DNAH11: variants seen among roughly 807,000 people sequenced by gnomAD.
The protein encoded by DNAH11 is dynein axonemal heavy chain 11.
Under a neutral mutation model 526.0 loss-of-function variants are expected in DNAH11, and 442 were observed. The ratio of observed to expected loss-of-function variants is 0.84; its 90% confidence interval spans 0.78 to 0.91. The LOEUF (loss-of-function observed/expected upper bound fraction) is 0.91. DNAH11 is among the 40% of genes least tolerant of loss of function. The pLI, the probability that DNAH11 is intolerant of heterozygous loss-of-function variation, is 0.00. For synonymous variants in DNAH11, 2,461 were observed against 1,935.9 expected (o/e 1.27, Z -7.12); for missense variants, 6,989 against 5,448.7 (o/e 1.28, Z -8.90).
At chr7:21,812,899 G>A (rs1789594910) in intron 63 of DNAH11, among the ~76,000 whole-genome samples, 1 of 152,146 alleles carries the variant, frequency 6.6e-6, no homozygotes, top group African/African-American at 2.4e-5. Context: ...ATCCAGCCTG[G>A]GGTTGACGGC....
In DNAH11 at chr7:21,559,015, T is replaced by C. The variant is rs1783334721; in HGVS notation, c.692+17T>C. On this transcript the variant is annotated intron_variant, in intron 3 of 81. Transcript: ENST00000409508. ...AGAGAACAAGTACGTAACAGTACAATATATACAGGATATTAAAGTAGAGAG... is the reference window on the plus strand; with the variant it reads ...AGAGAACAAGTACGTAACAGTACAACATATACAGGATATTAAAGTAGAGAG... The C allele has an allele frequency of 1.9e-6, 3 of 1,553,954 alleles. No homozygotes were observed. The highest frequency in any genetic ancestry group is 1.4e-5 in the African/African-American group (1 of 73,254).
intron 44 of DNAH11, 59 bp from the exon 45 acceptor site, chr7:21,725,751 CT>C (rs1410643531): frequency 1.3e-6 from 2 of 1,511,212 alleles, no homozygotes; most frequent in Non-Finnish European, 1.8e-6. Flanking sequence ...TAATTTGTTT[CT>C]TTTTTTACAG....
At position 21,757,598 on chromosome 7, in the gene DNAH11, T is replaced by A. The variant is rs544255665; in HGVS notation, c.8940+7234T>A. Among the ~76,000 whole-genome samples, 48 of 152,312 alleles carry A rather than the reference T, an allele frequency of 3.2e-4. 1 individual carries two copies. In the South Asian group the frequency reaches 9.1e-3, roughly 29 times the overall value. ...CAATCTGCAGGATGCTTTTCTATTT[T>A]TCTTGGTTTTGTAAAGTATTTCTTC... On this transcript the variant is annotated intron_variant, in intron 54 of 81. Transcript: ENST00000409508.
chr7:21,765,272 G>A (rs1344407640), intron 54 of DNAH11, among the ~76,000 whole-genome samples, 156 bp from the exon 55 acceptor site: 3 of 152,158 alleles, frequency 2.0e-5, no homozygotes, highest in Non-Finnish European at 4.4e-5. Context: ...ACTTTGATTA[G>A]CAAGGAGGTT....
chr7:21,568,075 A>T (rs1265717026), intron 6 of DNAH11, among the ~76,000 whole-genome samples: 1 of 152,202 alleles, frequency 6.6e-6, no homozygotes, highest in African/African-American at 2.4e-5. Flanking sequence ...AGCTAAAATA[A>T]CAGTCCATAA....
At chr7:21,631,066 G>T (rs1257860751) in intron 25 of DNAH11, among the ~76,000 whole-genome samples, 1 of 152,140 alleles carries the variant, frequency 6.6e-6, no homozygotes, top group South Asian at 2.1e-4. Context: ...TGGCTAGGGA[G>T]GCCTCACAAT....
chr7:21,852,261 G>T (rs1782668462), intron 66 of DNAH11, among the ~76,000 whole-genome samples: 1 of 151,936 alleles, frequency 6.6e-6, no homozygotes, highest in Non-Finnish European at 1.5e-5. Context: ...AAAAAAAATA[G>T]CTGGATGTGG....
chr7:21,901,250 C>A lies in DNAH11; in HGVS notation c.13547C>A (p.Ala4516Glu). The A allele has an allele frequency of 6.2e-7, 1 of 1,601,478 alleles. No homozygotes were observed. The highest frequency in any genetic ancestry group is 8.5e-7 in the Non-Finnish European group (1 of 1,173,862). ...GCTGGAGTGGCTCTGCTTCTAGAAG[C>A]GTAAGGTAACACTGGCATTCCTCTA... The part of the protein sequence containing the change: ...VLAGVALLLE[A>E] The change falls in exon 82 of 82, where the codon GCG becomes GAG. Residue 4516 changes from alanine to glutamate, a missense_variant. By Grantham distance (107) the Ala-to-Glu change is moderately radical. Coordinates refer to ENST00000409508, the MANE Select transcript of DNAH11 (RefSeq NM_001277115.2).
chr7:21,833,243 A>G (rs182675222), intron 65 of DNAH11, among the ~76,000 whole-genome samples: 7 of 152,384 alleles, frequency 4.6e-5, no homozygotes, highest in African/African-American at 1.7e-4. Context: ...CATGAAGTTC[A>G]TGAAGTATGA....
In DNAH11 at chr7:21,690,785, C is replaced by T; in HGVS notation, c.5945C>T (p.Ala1982Val). The T allele has an allele frequency of 6.2e-7, 1 of 1,609,084 alleles. No individual in the cohort carries two copies. The highest frequency in any genetic ancestry group is 1.3e-5 in the African/African-American group (1 of 74,834). ...GGTAGATTTGTATTTCTTGGGGAAG[C>T]TATCACACTGAAGCCATCAGTTGGA... is the stretch of plus-strand genomic sequence containing the variant. ...RKKRFVFLGEAITLKPSVGIF... is the reference protein window; with the variant it reads ...RKKRFVFLGEVITLKPSVGIF... Residue 1982 changes from alanine to valine, a missense_variant, in exon 35 of 82, where the codon GCT (alanine) becomes GTT (valine). Physicochemically the swap from Ala to Val is moderately conservative, Grantham distance 64. Coordinates refer to ENST00000409508, the MANE Select transcript of DNAH11 (RefSeq NM_001277115.2).
Position 21,749,699 on chromosome 7 carries a change from A to G in DNAH11, c.8695A>G (p.Ile2899Val). The G allele has an allele frequency of 6.2e-7, 1 of 1,614,034 alleles. No homozygotes were observed. Among genetic ancestry groups the G allele is most frequent in the Non-Finnish European group, 8.5e-7 (1 of 1,179,882 alleles). ...ELRVDLANLY[I>V]RTGAKNMPTV... is the part of the protein sequence containing the mutation. ...ACAGGTAGATCTTGCCAATTTGTAC[A>G]TCCGAACTGGAGCCAAGAACATGCC... The change falls in exon 53 of 82, where the codon ATC (isoleucine) becomes GTC (valine). Residue 2899 changes from isoleucine to valine, a missense_variant. By Grantham distance (29) the Ile-to-Val change is conservative. Transcript: ENST00000409508.
chr7:21,789,808 T>TTTTCTTTCTTTCTTTCTTTC lies in DNAH11; in HGVS notation c.10026+492_10026+511dup, dbSNP rs1554281335. Among the ~76,000 whole-genome samples the TTTTCTTTCTTTCTTTCTTTC allele has an allele frequency of 6.1e-3, 208 of 34,126 alleles. 6 individuals carry two copies. The highest frequency in any genetic ancestry group is 0.024 in the East Asian group (39 of 1,612). The allele number at this position is 34,126 out of a possible 152,430, so 22.4% of individuals were successfully genotyped here. Reference sequence around the variant, plus strand: ...TTCTTTCTTTCTTTCTTTCTTTCTTTTTTCTTTCTTTCTTTCTTTCTTTCT... The same window carrying TTTTCTTTCTTTCTTTCTTTC: ...TTCTTTCTTTCTTTCTTTCTTTCTTTTTTCTTTCTTTCTTTCTTTCTTTCTTTCTTTCTTTCTTTCTTTCT... On this transcript the variant is annotated intron_variant, in intron 61 of 81. Transcript: ENST00000409508.
chr7:21,762,478 G>A (rs546811776), intron 54 of DNAH11, among the ~76,000 whole-genome samples: 1 of 152,288 alleles, frequency 6.6e-6, no homozygotes, highest in African/African-American at 2.4e-5. Flanking sequence ...GATGAGTTGG[G>A]TGTGGGAAAC....
chr7:21,624,607 G>A (rs1583539946), intron 25 of DNAH11, among the ~76,000 whole-genome samples: 1 of 152,224 alleles, frequency 6.6e-6, no homozygotes, highest in East Asian at 1.9e-4. Context: ...AAGCATGAGA[G>A]TGGGCATCCT....
At chr7:21,704,360 A>G in intron 37 of DNAH11, 74 bp from the exon 38 acceptor site, 1 of 1,437,072 alleles carries the variant, frequency 7.0e-7, no homozygotes, top group Non-Finnish European at 9.5e-7. Context: ...GAGTAAAAAT[A>G]ACAAACATCT....
chr7:21,895,898 T>G (rs948972401), intron 79 of DNAH11, among the ~76,000 whole-genome samples: 6 of 152,076 alleles, frequency 3.9e-5, no homozygotes, highest in Admixed American at 3.9e-4. Flanking sequence ...TCCGGTTAAT[T>G]TTTTGTATAT....
intron 65 of DNAH11, among the ~76,000 whole-genome samples, chr7:21,833,603 G>A (rs924969539): frequency 1.3e-5 from 2 of 152,132 alleles, no homozygotes; most frequent in Non-Finnish European, 2.9e-5. Context: ...GCTGAGGCAG[G>A]AGAATCGCTT....
intron 28 of DNAH11, among the ~76,000 whole-genome samples, chr7:21,645,194 G>A (rs1465273490): frequency 6.6e-6 from 1 of 152,182 alleles, no homozygotes; most frequent in Non-Finnish European, 1.5e-5. Flanking sequence ...GCCCTTCTGT[G>A]GAATCTGAAA....
At chr7:21,649,766 A>G (rs1346544024) in intron 28 of DNAH11, among the ~76,000 whole-genome samples, 1 of 151,890 alleles carries the variant, frequency 6.6e-6, no homozygotes, top group Non-Finnish European at 1.5e-5. Flanking sequence ...CCTGGGTTCA[A>G]GCAATTCTTA....
Sources: allele counts gnomAD v4.1 joint callset (sites outside exome capture counted in the v4.1 genomes callset), GRCh38; gene constraint gnomAD v4.1.1; transcripts MANE v1.5; gene names NCBI Gene and HGNC (gene_info 2026-07-23, HGNC 2026-07-21).